The following NEO1 variants were observed in gnomAD, a reference collection of about 807,000 sequenced individuals.
NEO1 encodes neogenin.
A neutral mutation model predicts 159.7 loss-of-function variants in NEO1; 63 were observed. The ratio of observed to expected loss-of-function variants is 0.39; its 90% CI spans 0.32 to 0.49. NEO1 has a LOEUF of 0.49. Among genes scored for constraint, NEO1 ranks in the 20% least tolerant of loss-of-function variants. The pLI is 0.85. For missense variants in NEO1, 1,615 were observed against 1,831.0 expected (o/e 0.88, Z 2.15); for synonymous variants, 633 against 662.0 (o/e 0.96, Z 0.67).
intron 8 of NEO1, among the ~76,000 whole-genome samples, chr15:73,242,674 C>T (rs1215122978): frequency 6.6e-6 from 1 of 151,770 alleles, no homozygotes; most frequent in Non-Finnish European, 1.5e-5. Context: ...TGTCTCAAAA[C>T]AAACAAACAA....
intron 21 of NEO1, among the ~76,000 whole-genome samples, chr15:73,277,097 T>A (rs912084681): frequency 2.0e-5 from 3 of 152,196 alleles, no homozygotes; most frequent in Non-Finnish European, 4.4e-5. Context: ...CCAAAAAGAA[T>A]AAATAACTTG....
chr15:73,070,077 A>G (rs1425929109), intron 1 of NEO1, among the ~76,000 whole-genome samples: 10 of 152,238 alleles, frequency 6.6e-5, no homozygotes, highest in Admixed American at 3.9e-4. Flanking sequence ...GAGGCATAAA[A>G]TACTCTGTAC....
intron 1 of NEO1, among the ~76,000 whole-genome samples, chr15:73,078,898 A>G (rs796614553): frequency 5.9e-5 from 9 of 152,342 alleles, no homozygotes; most frequent in African/African-American, 2.2e-4. Context: ...TTATATACCT[A>G]GTAAATGACA....
chr15:73,060,037 TAAAA>T (rs35245604), intron 1 of NEO1, among the ~76,000 whole-genome samples: 2 of 147,838 alleles, frequency 1.4e-5, no homozygotes, highest in South Asian at 4.3e-4. Flanking sequence ...GCTGTAGTGG[TAAAA>T]AAAAAAATCA....
intron 4 of NEO1, among the ~76,000 whole-genome samples, chr15:73,127,421 T>C (rs2030435622): frequency 6.6e-6 from 1 of 152,168 alleles, no homozygotes; most frequent in East Asian, 1.9e-4. Flanking sequence ...GGGGTGGTGG[T>C]AGGTAGGTAT....
rs113890619 is a variant in NEO1, at chr15:73,122,444, T to A, written c.449-81T>A. On this transcript the variant is annotated intron_variant, in intron 2 of 28. Transcript: ENST00000261908. ...TGCCATATGTTGTAGCCATGTGAGC[T>A]GACTTGCTCCTGGCTCCCAAGACAA... 437 of 1,347,954 alleles carry A rather than the reference T, an allele frequency of 3.2e-4. No homozygotes were observed. The African/African-American group carries it at 5.8e-3, about 18-fold the overall frequency. 83.5% of individuals were successfully genotyped at this position (1,347,954 alleles called of 1,614,324 possible).
chr15:73,163,346 A>G (rs1332838014), intron 5 of NEO1, among the ~76,000 whole-genome samples: 2 of 152,342 alleles, frequency 1.3e-5, no homozygotes, highest in East Asian at 3.9e-4. Flanking sequence ...AACCGTATCA[A>G]CAAAGTAAAC....
At chr15:73,086,764 C>T (rs1189758604) in intron 1 of NEO1, among the ~76,000 whole-genome samples, 1 of 144,460 alleles carries the variant, frequency 6.9e-6, no homozygotes, top group African/African-American at 2.6e-5. Context: ...ACACGATTCT[C>T]CTGCCTCAGC....
chr15:73,162,107 C>A, intron 5 of NEO1: 1 of 216,512 alleles, frequency 4.6e-6, no homozygotes, highest in Non-Finnish European at 9.7e-6. Flanking sequence ...TTCTTGTCTC[C>A]TCTTCCTCTC....
chr15:73,083,872 A>G (rs1175359764), intron 1 of NEO1, among the ~76,000 whole-genome samples: 1 of 152,198 alleles, frequency 6.6e-6, no homozygotes, highest in Non-Finnish European at 1.5e-5. Flanking sequence ...CCCAACAAGT[A>G]TTCAGGTGTC....
intron 14 of NEO1, chr15:73,259,196 A>G (rs1032228030): frequency 1.3e-5 from 3 of 224,864 alleles, no homozygotes; most frequent in Non-Finnish European, 1.8e-5. Context: ...TCATGCCTTT[A>G]TTTCAACTGC....
chr15:73,293,884 G>A (rs554070071), intron 26 of NEO1, among the ~76,000 whole-genome samples: 28 of 152,036 alleles, frequency 1.8e-4, no homozygotes, highest in African/African-American at 6.5e-4. Flanking sequence ...ACTCATCCTG[G>A]GTGATTTCAG....
intron 1 of NEO1, among the ~76,000 whole-genome samples, chr15:73,070,783 C>G (rs2068494653): frequency 6.6e-6 from 1 of 152,162 alleles, no homozygotes; most frequent in South Asian, 2.1e-4. Context: ...TTCTGTCTCT[C>G]TGTCTCACAG....
At chr15:73,133,456 T>C (rs1326910492) in intron 4 of NEO1, among the ~76,000 whole-genome samples, 1 of 152,118 alleles carries the variant, frequency 6.6e-6, no homozygotes, top group African/African-American at 2.4e-5. Context: ...GTGTACACTG[T>C]TTGGGTGATG....
chr15:73,161,156 G>T (rs189209307), intron 5 of NEO1, among the ~76,000 whole-genome samples: 13 of 152,264 alleles, frequency 8.5e-5, no homozygotes, highest in Admixed American at 7.8e-4. Context: ...TTCCGAGTTT[G>T]TGTCATACTT....
chr15:73,270,097 A>G lies in NEO1; in HGVS notation c.2582A>G (p.Gln861Arg). The G allele has an allele frequency of 6.2e-7, 1 of 1,614,186 alleles. No individual in the cohort carries two copies. The highest frequency in any genetic ancestry group is 8.5e-7 in the Non-Finnish European group (1 of 1,180,040). The change falls in exon 17 of 29, where the codon CAG (glutamine) becomes CGG (arginine). Residue 861 changes from glutamine to arginine, a missense_variant. Transcript: ENST00000261908. ...CCCATGATGCCACCAGTGGGAGTTC[A>G]GGCTTCCATTCTGAGTCATGACACC... ...PTPMMPPVGV[Q>R]ASILSHDTIR...
At chr15:73,102,690 T>G (rs2070469528) in intron 1 of NEO1, among the ~76,000 whole-genome samples, 1 of 152,234 alleles carries the variant, frequency 6.6e-6, no homozygotes. Flanking sequence ...TTTCAGGCTT[T>G]TCTTTCTCTG....
chr15:73,173,876 G>C (rs532772234), intron 5 of NEO1, among the ~76,000 whole-genome samples: 33 of 152,150 alleles, frequency 2.2e-4, no homozygotes, highest in African/African-American at 5.8e-4. Flanking sequence ...GAGGCAGGTG[G>C]ATCACCTGAG....
At chr15:73,059,319 G>A (rs2067867147) in intron 1 of NEO1, among the ~76,000 whole-genome samples, 1 of 152,172 alleles carries the variant, frequency 6.6e-6, no homozygotes, top group South Asian at 2.1e-4. Flanking sequence ...GAGTTAGCAG[G>A]TTGGTGGTCT....
Sources: gnomAD v4.1 joint callset for allele counts (sites outside exome capture counted in the v4.1 genomes callset) on GRCh38, gnomAD v4.1.1 for gene constraint, MANE v1.5 for transcripts, NCBI Gene and HGNC (gene_info 2026-07-23, HGNC 2026-07-21) for gene names.